The following SDHAF2 variants were observed in gnomAD, a reference collection of about 807,000 sequenced individuals.
The protein encoded by SDHAF2 is succinate dehydrogenase assembly factor 2, mitochondrial.
A neutral mutation model predicts 18.5 loss-of-function variants in SDHAF2; 21 were observed. The ratio of observed to expected loss-of-function variants is 1.13; its 90% CI spans 0.80 to 1.63. SDHAF2 has a LOEUF of 1.63. SDHAF2 is among the 40% of genes most tolerant of loss of function. The pLI is 0.00. For synonymous variants in SDHAF2, 84 were observed against 70.7 expected (o/e 1.19, Z -0.94); for missense variants, 195 against 200.3 (o/e 0.97, Z 0.16).
chr11:61,437,251 G>T (rs1410075890), intron 1 of SDHAF2, among the ~76,000 whole-genome samples: 1 of 152,068 alleles, frequency 6.6e-6, no homozygotes. Flanking sequence ...GCAGTGGTAC[G>T]ATCACAGCTC....
chr11:61,436,808 G>A, intron 1 of SDHAF2: 1 of 1,096,552 alleles, frequency 9.1e-7, no homozygotes, highest in South Asian at 1.3e-5. Flanking sequence ...CATCGGGGAA[G>A]GAGGATCTGG....
chr11:61,446,499 T>C lies in SDHAF2; in HGVS notation c.*428T>C, dbSNP rs1862140459. 6 of 503,748 alleles carry C rather than the reference T, an allele frequency of 1.2e-5. No individual in the cohort carries two copies. In the East Asian group the frequency reaches 1.8e-4, roughly 15 times the overall value. 31.2% of individuals were successfully genotyped at this position (503,748 alleles called of 1,614,324 possible). On this transcript the variant is annotated 3_prime_UTR_variant, in exon 4 of 4. Coordinates refer to ENST00000301761, the MANE Select transcript of SDHAF2 (RefSeq NM_017841.4). ...CTCCCCGCCCTCAGTGGCCCAGGGC[T>C]TTGTTGAAGTGGAACTCCCCACTTC...
At chr11:61,438,418 C>T (rs1413464908) in intron 3 of SDHAF2, 6 of 461,482 alleles carry the variant, frequency 1.3e-5, no homozygotes, top group South Asian at 3.0e-5. Flanking sequence ...AGGCTAGTCT[C>T]GAACTCCTGA....
chr11:61,443,958 A>G (rs1358244271), intron 3 of SDHAF2, among the ~76,000 whole-genome samples: 1 of 152,082 alleles, frequency 6.6e-6, no homozygotes, highest in Non-Finnish European at 1.5e-5. Context: ...TATTTTCAGT[A>G]GAGACGGGGT....
At chr11:61,440,171 C>T (rs994073576) in intron 3 of SDHAF2, among the ~76,000 whole-genome samples, 37 of 151,960 alleles carry the variant, frequency 2.4e-4, no homozygotes, top group Middle Eastern at 3.4e-3. Flanking sequence ...AAAAGTTAGC[C>T]GCGTGTGGTG....
chr11:61,430,256 C>CTT (rs1263685203), intron 1 of SDHAF2, 74 bp downstream of exon 1: 2 of 1,591,756 alleles, frequency 1.3e-6, no homozygotes, highest in Non-Finnish European at 1.7e-6. Flanking sequence ...TCTGTGGTCT[C>CTT]TATCTTGGGG....
At position 61,438,273 on chromosome 11, in the gene SDHAF2, C is replaced by T. The variant is rs148185855; in HGVS notation, c.370+160C>T. 1.1e-3 allele frequency: 742 copies of T among 673,836 alleles called. 7 individuals are homozygous for T. The African/African-American group carries it at 0.012, about 11-fold the overall frequency. The allele number at this position is 673,836 out of a possible 1,614,324, so 41.7% of individuals were successfully genotyped here. A position where few individuals can be genotyped will look rare whatever the true frequency, so the allele number is the denominator to read the frequency against. On this transcript the variant is annotated intron_variant, in intron 3 of 3. Coordinates refer to ENST00000301761, the MANE Select transcript of SDHAF2 (RefSeq NM_017841.4). ...GGAGTGCAATGGCATGATCTCGGCT[C>T]ACTGCAACCTCTACCTTCCAGGTTC... is the stretch of plus-strand genomic sequence containing the variant.
chr11:61,435,742 C>G (rs1227676657), intron 1 of SDHAF2: 1 of 152,248 alleles, frequency 6.6e-6, no homozygotes, highest in African/African-American at 2.4e-5. Flanking sequence ...TGTCGGTGGC[C>G]TCCAGACTTT....
intron 1 of SDHAF2, chr11:61,434,547 C>T (rs976553245): frequency 1.3e-5 from 2 of 148,308 alleles, no homozygotes; most frequent in Non-Finnish European, 3.0e-5. Context: ...GTATATTGAT[C>T]TCCTTGATGG....
At chr11:61,433,792 G>C (rs904731186) in intron 1 of SDHAF2, 2 of 152,286 alleles carry the variant, frequency 1.3e-5, no homozygotes. Context: ...TAGTCCTGGA[G>C]GCTAGAAGTC....
rs1590764949 is a variant in SDHAF2 at position 61,437,858 on chromosome 11, T to C, written c.260+10T>C. ...ACTGCATTCTTCTTAGGTATGGGAC[T>C]AGGAGTCTTTTTTTTTAAATCGGGC... is the stretch of plus-strand genomic sequence containing the variant. On this transcript the variant is annotated intron_variant, in intron 2 of 3. Coordinates refer to ENST00000301761, the MANE Select transcript of SDHAF2 (RefSeq NM_017841.4). 1 of 1,610,158 alleles carries C rather than the reference T, an allele frequency of 6.2e-7. No individual in the cohort carries two copies. The highest frequency in any genetic ancestry group is 1.7e-5 in the Admixed American group (1 of 59,972).
At chr11:61,439,129 TA>T (rs1221308308) in intron 3 of SDHAF2, among the ~76,000 whole-genome samples, 1 of 151,720 alleles carries the variant, frequency 6.6e-6, no homozygotes, top group Non-Finnish European at 1.5e-5. Flanking sequence ...TGGCTATGAG[TA>T]AAAAAACATC....
In SDHAF2 at chr11:61,437,777, A is replaced by G; in HGVS notation, c.189A>G (p.Ile63Met). 6.2e-7 allele frequency: 1 copy of G among 1,614,192 alleles called. No homozygotes were observed. The highest frequency in any genetic ancestry group is 8.5e-7 in the Non-Finnish European group (1 of 1,180,036). The change falls in exon 2 of 4, where the codon ATA becomes ATG. Residue 63 changes from isoleucine (I) to methionine (M), a missense_variant. Ile to Met is a conservative substitution (Grantham distance 10, BLOSUM62 1). Coordinates refer to ENST00000301761, the MANE Select transcript of SDHAF2 (RefSeq NM_017841.4). Reference protein sequence around the residue: ...PPWQERTDESIETKRARLLYE... With the variant: ...PPWQERTDESMETKRARLLYE... ...GGCAGGAGAGAACTGATGAATCCAT[A>G]GAAACCAAAAGAGCCCGCCTGCTCT...
intron 3 of SDHAF2, among the ~76,000 whole-genome samples, chr11:61,438,989 A>G (rs939198121): frequency 2.0e-5 from 3 of 152,118 alleles, no homozygotes; most frequent in African/African-American, 7.2e-5. Flanking sequence ...GATTGCAGTG[A>G]GCTGAGATTG....
chr11:61,432,375 T>A (rs1861944346), intron 1 of SDHAF2: 1 of 152,052 alleles, frequency 6.6e-6, no homozygotes, highest in Non-Finnish European at 1.5e-5. Context: ...GGCATAGTAT[T>A]TGCATATAAT....
chr11:61,430,346 C>T, intron 1 of SDHAF2, 164 bp downstream of exon 1: 1 of 816,770 alleles, frequency 1.2e-6, no homozygotes, highest in Non-Finnish European at 2.0e-6. Flanking sequence ...ATAAAGGTCG[C>T]TTCCATTCTT....
intron 1 of SDHAF2, chr11:61,430,454 T>G: frequency 1.8e-6 from 1 of 549,384 alleles, no homozygotes; most frequent in Non-Finnish European, 3.2e-6. Context: ...CAGGCGGGAT[T>G]AGCCCAACTT....
rs1262416163 is a variant in SDHAF2, at chr11:61,445,017, G to A, written c.371-924G>A. 2.6e-5 allele frequency among the ~76,000 whole-genome samples: 4 copies of A among 152,184 alleles called. No homozygotes were observed. The East Asian group carries it at 7.7e-4, about 29-fold the overall frequency. On this transcript the variant is annotated intron_variant, in intron 3 of 3. Transcript: ENST00000301761. ...TTTCCAACTTTCTACTTTCTTGGGG[G>A]AAGCCAAAACCTCTTTGATCTTATG...
chr11:61,434,316 T>A (rs1397273277), intron 1 of SDHAF2: 2 of 152,202 alleles, frequency 1.3e-5, no homozygotes, highest in Non-Finnish European at 2.9e-5. Context: ...GTAGCTGGGA[T>A]TACAGGCACG....
Sources: allele counts gnomAD v4.1 joint callset (sites outside exome capture counted in the v4.1 genomes callset), GRCh38; gene constraint gnomAD v4.1.1; transcripts MANE v1.5; gene names NCBI Gene and HGNC (gene_info 2026-07-23, HGNC 2026-07-21).